The following PKIG variants were observed in gnomAD, a reference collection of about 807,000 sequenced individuals.
The protein encoded by PKIG is protein kinase (cAMP-dependent, catalytic) inhibitor gamma.
Under a neutral mutation model 6.8 loss-of-function variants are expected in PKIG, and 1 was observed. The ratio of observed to expected loss-of-function variants is 0.15; its 90% CI spans 0.05 to 0.69. The LOEUF (loss-of-function observed/expected upper bound fraction) is 0.69, where lower values mean the gene tolerates loss of function less well. Ranked by LOEUF, PKIG falls within the 30% of genes least tolerant of loss-of-function variation. The pLI is 0.82. For synonymous variants in PKIG, 39 were observed against 43.0 expected, an observed-to-expected ratio of 0.91 and a Z score of 0.36; for missense variants, 77 against 104.0, an observed-to-expected ratio of 0.74 and a Z score of 1.13.
chr20:44,577,991 A>G (rs189746390), upstream of PKIG, among the ~76,000 whole-genome samples: 8 of 152,196 alleles, frequency 5.3e-5, no homozygotes, highest in Admixed American at 5.2e-4. Context: ...CCCTGCTGTA[A>G]TGAGTGAGTT....
chr20:44,563,386 T>TC (rs1316042937), intron 1 of PKIG, among the ~76,000 whole-genome samples: 2 of 151,982 alleles, frequency 1.3e-5, no homozygotes, highest in Admixed American at 1.3e-4. Flanking sequence ...TTTTTTTTTT[T>TC]CCAGAGATTC....
rs1436850799 is a variant in PKIG, at chr20:44,541,678, T to A, written c.-241+9700T>A. On this transcript the variant is annotated intron_variant, in intron 1 of 4. Coordinates refer to the PKIG transcript ENST00000372887. ...AAATTTGAAGCATTAGATTTTTAAG[T>A]GTAGGTTCTTTAGGTTCTTTTTTTT... Among the ~76,000 whole-genome samples the A allele has an allele frequency of 5.9e-5, 9 of 151,716 alleles. No individual in the cohort carries two copies. In the East Asian group the frequency reaches 1.7e-3, roughly 29 times the overall value.
intron 1 of PKIG, among the ~76,000 whole-genome samples, chr20:44,562,679 A>G (rs2064778237): frequency 6.6e-6 from 1 of 152,044 alleles, no homozygotes; most frequent in Admixed American, 6.6e-5. Context: ...CAAAATAATG[A>G]TACTATGAAT....
intron 1 of PKIG, among the ~76,000 whole-genome samples, chr20:44,569,420 C>A (rs183029850): frequency 5.9e-5 from 9 of 152,174 alleles, no homozygotes; most frequent in Non-Finnish European, 1.3e-4. Flanking sequence ...CAAAAATAAA[C>A]ATTCAGAACA....
intron 1 of PKIG, among the ~76,000 whole-genome samples, chr20:44,568,397 A>AT (rs1360099126): frequency 2.6e-5 from 4 of 151,716 alleles, no homozygotes; most frequent in Admixed American, 2.0e-4. Context: ...AGTTTCTTCC[A>AT]TTTTTTTCTA....
intron 2 of PKIG, among the ~76,000 whole-genome samples, chr20:44,607,809 C>G (rs1185362426): frequency 1.3e-5 from 2 of 151,126 alleles, no homozygotes; most frequent in Non-Finnish European, 3.0e-5. Flanking sequence ...CTCAGCCTCC[C>G]GAGTAGCTGG....
chr20:44,601,189 C>G (rs2065118760), intron 2 of PKIG, among the ~76,000 whole-genome samples: 1 of 152,188 alleles, frequency 6.6e-6, no homozygotes, highest in Non-Finnish European at 1.5e-5. Flanking sequence ...CACTCAGGAC[C>G]TTGTCTGACT....
At chr20:44,537,349 C>T (rs926352317) in intron 1 of PKIG, among the ~76,000 whole-genome samples, 10 of 152,030 alleles carry the variant, frequency 6.6e-5, no homozygotes, top group Non-Finnish European at 1.0e-4. Flanking sequence ...GTGATCCACT[C>T]GCCTTGGCCT....
chr20:44,537,520 C>A (rs2123130312), intron 1 of PKIG, among the ~76,000 whole-genome samples: 1 of 152,152 alleles, frequency 6.6e-6, no homozygotes, highest in South Asian at 2.1e-4. Context: ...AGGCGTGAGC[C>A]ACCGTGCCCT....
intron 2 of PKIG, among the ~76,000 whole-genome samples, chr20:44,603,942 G>T (rs1210110030): frequency 6.6e-6 from 1 of 151,206 alleles, no homozygotes; most frequent in Non-Finnish European, 1.5e-5. Flanking sequence ...ATCATTGAAG[G>T]TTTCTGAACT....
intron 2 of PKIG, among the ~76,000 whole-genome samples, chr20:44,599,716 G>C (rs1427202939): frequency 6.6e-6 from 1 of 152,072 alleles, no homozygotes; most frequent in African/African-American, 2.4e-5. Flanking sequence ...GCGAGATTCT[G>C]TCTCAAAAAA....
chr20:44,614,649 G>A lies in PKIG; in HGVS notation c.93G>A (p.Glu31=). The change falls in exon 3 of 4, where the codon GAG becomes GAA. Residue 31 remains glutamate, a synonymous_variant. Coordinates refer to ENST00000372886, the MANE Select transcript of PKIG (RefSeq NM_001281445.2). The surrounding 1 kb of genome is among the most constrained non-coding windows in gnomAD (Gnocchi z 4.6). The part of the protein sequence containing the change: ...NAVPDIQGDS[E]AVSVRKLAGD... Reference sequence around the variant, plus strand: ...TCCCTGACATCCAGGGAGACTCAGAGGCTGTGAGCGTGAGGAAGCTGGCTG... The same window carrying A: ...TCCCTGACATCCAGGGAGACTCAGAAGCTGTGAGCGTGAGGAAGCTGGCTG... 1 of 1,614,072 alleles carries A rather than the reference G, an allele frequency of 6.2e-7. No individual in the cohort carries two copies. Among genetic ancestry groups the A allele is most frequent in the Non-Finnish European group, 8.5e-7 (1 of 1,180,026 alleles).
intron 1 of PKIG, among the ~76,000 whole-genome samples, chr20:44,554,756 G>A (rs1259597757): frequency 6.6e-6 from 1 of 152,210 alleles, no homozygotes; most frequent in African/African-American, 2.4e-5. Flanking sequence ...GAAGACAACA[G>A]ACTGTGTTTT....
chr20:44,567,481 C>T (rs2064819887), intron 1 of PKIG, among the ~76,000 whole-genome samples: 1 of 152,194 alleles, frequency 6.6e-6, no homozygotes, highest in Non-Finnish European at 1.5e-5. Context: ...TTTTCCTTTT[C>T]TTCAGCTATC....
At chr20:44,534,002 A>G (rs2064490859) in intron 1 of PKIG, among the ~76,000 whole-genome samples, 4 of 152,234 alleles carry the variant, frequency 2.6e-5, no homozygotes, top group Admixed American at 2.6e-4. Context: ...CAAAGGTTCA[A>G]TATAATATAT....
chr20:44,599,908 C>T (rs1340090790), intron 2 of PKIG, among the ~76,000 whole-genome samples: 3 of 152,118 alleles, frequency 2.0e-5, no homozygotes, highest in Admixed American at 1.3e-4. Context: ...CTTGTGGCAT[C>T]CACCACACCA....
intron 1 of PKIG, among the ~76,000 whole-genome samples, chr20:44,544,957 A>G (rs111877604): frequency 0.046 from 1,454 of 31,784 alleles, 44 homozygotes; most frequent in African/African-American, 0.18. Flanking sequence ...TTTTTTTGAG[A>G]TGGAATCTTG....
chr20:44,607,582 G>A (rs1055788424), intron 2 of PKIG, among the ~76,000 whole-genome samples: 14 of 150,316 alleles, frequency 9.3e-5, no homozygotes, highest in Non-Finnish European at 1.9e-4. Context: ...TCACCATGTT[G>A]GCCAGGCTAG....
chr20:44,555,981 C>T (rs1434977690), intron 1 of PKIG, among the ~76,000 whole-genome samples: 1 of 152,216 alleles, frequency 6.6e-6, no homozygotes, highest in Non-Finnish European at 1.5e-5. Flanking sequence ...GCTGGGACTA[C>T]AGGTGCGTGC....
Sources: gnomAD v4.1 joint callset for allele counts (sites outside exome capture counted in the v4.1 genomes callset) on GRCh38, gnomAD v4.1.1 for gene constraint, Gnocchi (gnomAD v3.1) non-coding constraint, MANE v1.5 for transcripts, NCBI Gene and HGNC (gene_info 2026-07-23, HGNC 2026-07-21) for gene names.